The following PRORP variants were observed in gnomAD, a reference collection of about 807,000 sequenced individuals.
PRORP encodes protein only RNase P catalytic subunit.
A neutral mutation model predicts 59.4 loss-of-function variants in PRORP; 51 were observed. The ratio of observed to expected loss-of-function variants is 0.86; its 90% CI spans 0.69 to 1.08. PRORP has a LOEUF of 1.08. PRORP is among the 50% of genes least tolerant of loss of function. The pLI, the probability that PRORP is intolerant of heterozygous loss-of-function variation, is 0.00. For missense variants in PRORP, 646 were observed against 690.3 expected, an observed-to-expected ratio of 0.94 and a Z score of 0.72; for synonymous variants, 231 against 245.6, an observed-to-expected ratio of 0.94 and a Z score of 0.55.
intron 2 of PRORP, among the ~76,000 whole-genome samples, chr14:35,125,071 G>T (rs1003612579): frequency 6.6e-6 from 1 of 151,828 alleles, no homozygotes; most frequent in East Asian, 1.9e-4. Context: ...CTCTATGTTG[G>T]TCAGGCTGCT....
At chr14:35,206,332 CA>C (rs2049294103) in intron 5 of PRORP, among the ~76,000 whole-genome samples, 1 of 152,118 alleles carries the variant, frequency 6.6e-6, no homozygotes, top group Non-Finnish European at 1.5e-5. Flanking sequence ...AGGTGGAGGA[CA>C]CTGTTATTCT....
At chr14:35,255,191 G>A (rs2050719584) in intron 5 of PRORP, among the ~76,000 whole-genome samples, 1 of 152,130 alleles carries the variant, frequency 6.6e-6, no homozygotes, top group South Asian at 2.1e-4. Context: ...GCAGTGGCGT[G>A]ATCTCGGCTC....
At chr14:35,174,048 G>C (rs1443479978) in intron 4 of PRORP, among the ~76,000 whole-genome samples, 1 of 152,046 alleles carries the variant, frequency 6.6e-6, no homozygotes, top group African/African-American at 2.4e-5. Flanking sequence ...GATGAAAGCT[G>C]TATTATCTTT....
intron 5 of PRORP, among the ~76,000 whole-genome samples, chr14:35,259,993 G>GTTTGTT (rs2050859328): frequency 2.5e-5 from 2 of 81,302 alleles, no homozygotes; most frequent in African/African-American, 9.2e-5. Flanking sequence ...GGTTTTTCGG[G>GTTTGTT]TTTTTTTTTT....
intron 5 of PRORP, among the ~76,000 whole-genome samples, chr14:35,224,642 A>G (rs7154775): frequency 0.049 from 7,406 of 152,310 alleles, 263 homozygotes; most frequent in African/African-American, 0.097. Flanking sequence ...GAATAATGAT[A>G]CAACTCATAC....
intron 4 of PRORP, among the ~76,000 whole-genome samples, chr14:35,145,224 T>G (rs1321751383): frequency 1.4e-5 from 2 of 144,606 alleles, no homozygotes; most frequent in East Asian, 4.7e-4. Context: ...CCTCCAACCT[T>G]GGCCTCCCAA....
At chr14:35,240,707 T>G (rs568184165) in intron 5 of PRORP, among the ~76,000 whole-genome samples, 2 of 152,312 alleles carry the variant, frequency 1.3e-5, no homozygotes, top group South Asian at 2.1e-4. Flanking sequence ...ATCACAGTGA[T>G]TTCTACCTCC....
At chr14:35,178,914 A>G (rs1009229258) in intron 4 of PRORP, among the ~76,000 whole-genome samples, 15 of 152,206 alleles carry the variant, frequency 9.9e-5, no homozygotes, top group East Asian at 5.8e-4. Flanking sequence ...CTTCCTTCAG[A>G]AGCTCTTTTA....
chr14:35,232,829 C>T (rs1280292732), intron 5 of PRORP, among the ~76,000 whole-genome samples: 3 of 152,228 alleles, frequency 2.0e-5, no homozygotes, highest in South Asian at 2.1e-4. Context: ...CATGCCACCA[C>T]GACCGGCTAA....
intron 4 of PRORP, chr14:35,158,605 C>T (rs1043902695): frequency 3.3e-5 from 11 of 328,432 alleles, no homozygotes; most frequent in Non-Finnish European, 5.5e-5. Context: ...AGTATAAACC[C>T]GGCACCCTGT....
chr14:35,218,536 TTTTTTG>T (rs1398918203), intron 5 of PRORP, among the ~76,000 whole-genome samples: 3,482 of 55,472 alleles, frequency 0.063, 222 homozygotes, highest in African/African-American at 0.2. Flanking sequence ...TTTTTTTTTT[TTTTTTG>T]TTGAGACAGA....
At chr14:35,246,732 A>G (rs1375892178) in intron 5 of PRORP, among the ~76,000 whole-genome samples, 1 of 152,204 alleles carries the variant, frequency 6.6e-6, no homozygotes, top group Non-Finnish European at 1.5e-5. Flanking sequence ...CTGAAAGTTT[A>G]TGTTCTACTC....
intron 4 of PRORP, among the ~76,000 whole-genome samples, chr14:35,137,817 A>G (rs1050545685): frequency 1.0e-4 from 15 of 145,384 alleles, no homozygotes; most frequent in African/African-American, 3.7e-4. Context: ...CATGGTCTGC[A>G]TGGGGTCCAG....
chr14:35,125,113 G>A (rs1046633887), intron 2 of PRORP, among the ~76,000 whole-genome samples: 16 of 152,002 alleles, frequency 1.1e-4, no homozygotes, highest in African/African-American at 3.1e-4. Flanking sequence ...CGCCTGCCTC[G>A]GCCTCCCAAA....
At chr14:35,203,388 G>A (rs1168262680) in intron 5 of PRORP, among the ~76,000 whole-genome samples, 1 of 152,110 alleles carries the variant, frequency 6.6e-6, no homozygotes, top group Admixed American at 6.5e-5. Flanking sequence ...ATTAGCCGGT[G>A]TGGTGGTGGG....
chr14:35,270,426 T>A lies in PRORP; in HGVS notation c.1450T>A (p.Tyr484Asn). Residue 484 changes from tyrosine to asparagine, a missense_variant, in exon 7 of 8, where the codon TAT (tyrosine) becomes AAT (asparagine). Coordinates refer to ENST00000534898, the MANE Select transcript of PRORP (RefSeq NM_014672.4). ...DISEDDPFLL[Y>N]ATLHSGNHCR... The stretch of plus-strand genomic sequence containing the variant: ...CTCGGAGGATGATCCATTCCTTCTG[T>A]ATGCCACACTGCACTCCGGGAATCA... The A allele has an allele frequency of 1.9e-6, 3 of 1,614,022 alleles. No homozygotes were observed. The South Asian group carries it at 3.3e-5, about 18-fold the overall frequency.
chr14:35,189,001 A>G (rs990701139), intron 5 of PRORP, among the ~76,000 whole-genome samples: 12 of 149,828 alleles, frequency 8.0e-5, no homozygotes, highest in Non-Finnish European at 1.6e-4. Context: ...ATTAATGCCT[A>G]TGTTTCTTCT....
At chr14:35,239,234 T>C (rs2050298015) in intron 5 of PRORP, among the ~76,000 whole-genome samples, 1 of 151,722 alleles carries the variant, frequency 6.6e-6, no homozygotes. Context: ...GGCAGGTGCC[T>C]GTAATCCCAG....
intron 5 of PRORP, among the ~76,000 whole-genome samples, chr14:35,224,653 T>G (rs1024804100): frequency 6.6e-6 from 1 of 152,234 alleles, no homozygotes; most frequent in Non-Finnish European, 1.5e-5. Flanking sequence ...CAACTCATAC[T>G]AGAAAATACC....
Sources: gnomAD v4.1 joint callset for allele counts (sites outside exome capture counted in the v4.1 genomes callset) on GRCh38, gnomAD v4.1.1 for gene constraint, MANE v1.5 for transcripts, NCBI Gene and HGNC (gene_info 2026-07-23, HGNC 2026-07-21) for gene names.